HCFC2: variants seen among roughly 807,000 people sequenced by gnomAD.
HCFC2 encodes host cell factor C2.
In HCFC2, 18 loss-of-function variants were observed where a neutral mutation model predicts 89.2. The ratio of observed to expected loss-of-function variants is 0.20; its 90% CI spans 0.14 to 0.30. HCFC2 has a LOEUF of 0.30. HCFC2 is among the 10% of genes least tolerant of loss of function. The pLI is 1.00. For synonymous variants in HCFC2, 308 were observed against 335.7 expected, an observed-to-expected ratio of 0.92 and a Z score of 0.90; for missense variants, 578 against 956.1, an observed-to-expected ratio of 0.60 and a Z score of 5.21.
intron 9 of HCFC2, among the ~76,000 whole-genome samples, chr12:104,091,797 A>AT (rs1884030422): frequency 6.6e-6 from 1 of 152,152 alleles, no homozygotes; most frequent in African/African-American, 2.4e-5. Flanking sequence ...TTCTTCATCT[A>AT]TAAAAAAAGG....
At position 104,087,012 on chromosome 12, in the gene HCFC2, A is replaced by G; in HGVS notation, c.1229A>G (p.Gln410Arg). The G allele has an allele frequency of 6.2e-7, 1 of 1,613,314 alleles. No homozygotes were observed. Among genetic ancestry groups the G allele is most frequent in the Non-Finnish European group, 8.5e-7 (1 of 1,179,444 alleles). The part of the protein sequence containing the change: ...SSDSSAAPNM[Q>R]GVRMDPHRQG... ...GATTCTTCAGCAGCACCAAATATGC[A>G]AGGTAACATAATTTTCATGCTTAAA... is the stretch of plus-strand genomic sequence containing the variant. The change falls in exon 8 of 15, where the codon CAA (glutamine) becomes CGA (arginine). Residue 410 changes from glutamine (Q) to arginine (R), a missense_variant and splice_region_variant. By Grantham distance (43) the Gln-to-Arg change is conservative (BLOSUM62 1). Coordinates refer to ENST00000229330, the MANE Select transcript of HCFC2 (RefSeq NM_013320.3).
chr12:104,076,953 C>CATATGT lies in HCFC2; in HGVS notation c.474-2479_474-2474dup, dbSNP rs1263720914. Among the ~76,000 whole-genome samples, 10 of 152,216 alleles carry CATATGT rather than the reference C, an allele frequency of 6.6e-5. No homozygotes were observed. In the East Asian group the frequency reaches 1.9e-3, roughly 29 times the overall value. ...AAGTTGTGATGAGGGAAAACATTTGCATATGTATATGTATATGTGTGTTCG... is the reference window on the plus strand; with the variant it reads ...AAGTTGTGATGAGGGAAAACATTTGCATATGTATATGTATATGTATATGTGTGTTCG... On this transcript the variant is annotated intron_variant, in intron 3 of 14. Transcript: ENST00000229330.
rs182213637 is a variant in HCFC2 at position 104,072,661 on chromosome 12, G to A, written c.473+4554G>A. Among the ~76,000 whole-genome samples the A allele has an allele frequency of 4.9e-3, 640 of 129,528 alleles. 5 individuals are homozygous for A. Among genetic ancestry groups the A allele is most frequent in the African/African-American group, 0.017 (592 of 34,540 alleles). The allele number at this position is 129,528 out of a possible 152,430, so 85.0% of individuals were successfully genotyped here. A position where few individuals can be genotyped will look rare whatever the true frequency, so the allele number is the denominator to read the frequency against. On this transcript the variant is annotated intron_variant, in intron 3 of 14. Coordinates refer to ENST00000229330, the MANE Select transcript of HCFC2 (RefSeq NM_013320.3). ...TCCATTTGGTTTCTTTTTTTTTTTT[G>A]AGATGGAGTCTCGCTCTGTCGCCCA...
chr12:104,100,655 A>G (rs2029910398), intron 13 of HCFC2, among the ~76,000 whole-genome samples: 1 of 152,178 alleles, frequency 6.6e-6, no homozygotes, highest in African/African-American at 2.4e-5. Flanking sequence ...TCCCGAAGAT[A>G]TGCACAAATG....
chr12:104,080,694 G>T, intron 4 of HCFC2, 52 bp from the exon 5 acceptor site: 1 of 1,043,562 alleles, frequency 9.6e-7, no homozygotes, highest in Non-Finnish European at 1.4e-6. Flanking sequence ...GGAAGTTGAG[G>T]TAATTTACTC....
In HCFC2 at chr12:104,102,946, C is replaced by A. The variant is rs35223676; in HGVS notation, c.2065-13C>A. The A allele has an allele frequency of 1.9e-5, 30 of 1,581,696 alleles. No homozygotes were observed. Among genetic ancestry groups the A allele is most frequent in the Middle Eastern group, 3.4e-4 (2 of 5,918 alleles). On this transcript the variant is annotated splice_polypyrimidine_tract_variant and intron_variant, in intron 14 of 14. Transcript: ENST00000229330. ...TAAGAACCTTTAACCTGTTTTTTCC[C>A]CCCCCCTTCAAGAATGTTGAAGGTA...
Position 104,093,551 on chromosome 12 carries a change from A to G in HCFC2, c.1450A>G (p.Arg484Gly). 1 of 1,608,636 alleles carries G rather than the reference A, an allele frequency of 6.2e-7. No individual in the cohort carries two copies. The highest frequency in any genetic ancestry group is 8.5e-7 in the Non-Finnish European group (1 of 1,177,746). The change falls in exon 10 of 15, where the codon AGG (arginine) becomes GGG (glycine). Residue 484 changes from arginine (R) to glycine (G), a missense_variant. Arg to Gly is a moderately radical substitution (Grantham distance 125). This residue lies in a region of HCFC2 where 210 missense variants were observed against 251.7 expected (regional missense o/e 0.83). Transcript: ENST00000229330. ...NHNSHVVDML[R>G]KNEGPHTSAN... The stretch of plus-strand genomic sequence containing the variant: ...TAATAGTCATGTGGTGGATATGCTA[A>G]GGAAAAATGAAGGTATATGGATGAC...
chr12:104,090,159 G>A (rs1883983501), intron 9 of HCFC2, among the ~76,000 whole-genome samples: 1 of 152,044 alleles, frequency 6.6e-6, no homozygotes, highest in Non-Finnish European at 1.5e-5. Context: ...AATTTTTTGA[G>A]ATCTTGCATA....
intron 14 of HCFC2, 113 bp from the exon 15 acceptor site, chr12:104,102,846 C>T: frequency 1.2e-6 from 1 of 852,392 alleles, no homozygotes; most frequent in Non-Finnish European, 1.8e-6. Flanking sequence ...ACATCTAATG[C>T]AATTATTTTA....
intron 9 of HCFC2, among the ~76,000 whole-genome samples, chr12:104,089,424 G>A (rs1031573899): frequency 1.2e-4 from 18 of 152,150 alleles, no homozygotes; most frequent in African/African-American, 3.9e-4. Context: ...GCTGAGGCAG[G>A]AGAATGGTGT....
At chr12:104,069,834 T>G (rs1265910232) in intron 3 of HCFC2, among the ~76,000 whole-genome samples, 1 of 152,164 alleles carries the variant, frequency 6.6e-6, no homozygotes, top group Non-Finnish European at 1.5e-5. Flanking sequence ...TTTGTCCTAA[T>G]GCTCTCCCTC....
chr12:104,087,342 G>A (rs1215366411), intron 8 of HCFC2, among the ~76,000 whole-genome samples: 1 of 100,958 alleles, frequency 9.9e-6, no homozygotes, highest in Non-Finnish European at 2.0e-5. Flanking sequence ...CAACAAGCAA[G>A]ACTCTGTCTT....
Position 104,095,368 on chromosome 12 carries a change from A to T in HCFC2, c.1471A>T (p.Thr491Ser). 5 of 1,612,488 alleles carry T rather than the reference A, an allele frequency of 3.1e-6. No individual in the cohort carries two copies. The highest frequency in any genetic ancestry group is 1.1e-5 in the South Asian group (1 of 90,988). ...DMLRKNEGPH[T>S]SANVGVLSSC... is the part of the protein sequence containing the mutation. ...TTTCCCTTTTATTTTAGGTCCTCACACTTCAGCAAATGTAGGTGTTCTAAG... is the reference window on the plus strand; with the variant it reads ...TTTCCCTTTTATTTTAGGTCCTCACTCTTCAGCAAATGTAGGTGTTCTAAG... The change falls in exon 11 of 15, where the codon ACT becomes TCT. Residue 491 changes from threonine to serine, a missense_variant. Coordinates refer to ENST00000229330, the MANE Select transcript of HCFC2 (RefSeq NM_013320.3). The surrounding 1 kb of genome is among the most constrained non-coding windows in gnomAD (Gnocchi z 4.2).
At chr12:104,090,021 T>G (rs1012124510) in intron 9 of HCFC2, among the ~76,000 whole-genome samples, 4 of 152,210 alleles carry the variant, frequency 2.6e-5, no homozygotes, top group African/African-American at 9.6e-5. Flanking sequence ...AACTTCTCTC[T>G]GTTTCATAAT....
chr12:104,074,939 T>C (rs937001643), intron 3 of HCFC2, among the ~76,000 whole-genome samples: 24 of 152,178 alleles, frequency 1.6e-4, no homozygotes, highest in African/African-American at 5.5e-4. Flanking sequence ...TATATGATCT[T>C]TTATTGCCTT....
At chr12:104,074,806 T>A (rs1353576535) in intron 3 of HCFC2, among the ~76,000 whole-genome samples, 1 of 152,200 alleles carries the variant, frequency 6.6e-6, no homozygotes, top group African/African-American at 2.4e-5. Context: ...GATTATGTTA[T>A]CCTTGAAAAT....
chr12:104,075,335 TTTG>T (rs766846486), intron 3 of HCFC2, among the ~76,000 whole-genome samples: 18 of 152,110 alleles, frequency 1.2e-4, no homozygotes, highest in Non-Finnish European at 2.5e-4. Context: ...TTGCTAGTGA[TTTG>T]TTATTTTATT....
chr12:104,093,207 TTTC>T (rs1405607002), intron 9 of HCFC2, among the ~76,000 whole-genome samples, 176 bp from the exon 10 acceptor site: 2 of 152,346 alleles, frequency 1.3e-5, no homozygotes, highest in African/African-American at 4.8e-5. Context: ...AAGAAATTGT[TTTC>T]TTAGAAACTA....
At position 104,100,585 on chromosome 12, in the gene HCFC2, T is replaced by G. The variant is rs543460237; in HGVS notation, c.1879-1383T>G. On this transcript the variant is annotated intron_variant, in intron 13 of 14. Coordinates refer to ENST00000229330, the MANE Select transcript of HCFC2 (RefSeq NM_013320.3). Reference sequence around the variant, plus strand: ...TGAGATGCTGTCTCAAAAAAAAAAATTATTAAATGGACAATTTCTGAGAGA... The same window carrying G: ...TGAGATGCTGTCTCAAAAAAAAAAAGTATTAAATGGACAATTTCTGAGAGA... Among the ~76,000 whole-genome samples, 5 of 151,680 alleles carry G rather than the reference T, an allele frequency of 3.3e-5. No individual in the cohort carries two copies. In the South Asian group the frequency reaches 6.3e-4, roughly 19 times the overall value.
Sources: gnomAD v4.1 joint callset for allele counts (sites outside exome capture counted in the v4.1 genomes callset) on GRCh38, gnomAD v4.1.1 for gene constraint, gnomAD v4.1.1 regional missense constraint, Gnocchi (gnomAD v3.1) non-coding constraint, MANE v1.5 for transcripts, NCBI Gene and HGNC (gene_info 2026-07-23, HGNC 2026-07-21) for gene names.